MXRA7: variants seen among roughly 807,000 people sequenced by gnomAD.
MXRA7 encodes matrix remodeling associated 7.
MXRA7 carries 18 observed loss-of-function variants against 17.4 expected under a neutral mutation model. The observed-to-expected ratio is 1.03, with a 90% CI of 0.71 to 1.53. The LOEUF is 1.53. Among genes scored for constraint, MXRA7 ranks in the 40% most tolerant of loss-of-function variants. The pLI is 0.00. For synonymous variants in MXRA7, 70 were observed against 101.7 expected (o/e 0.69, Z 1.87); for missense variants, 141 against 209.3 (o/e 0.67, Z 2.01).
At chr17:76,683,550 T>C (rs1770029083) in intron 3 of MXRA7, among the ~76,000 whole-genome samples, 1 of 152,078 alleles carries the variant, frequency 6.6e-6, no homozygotes, top group Non-Finnish European at 1.5e-5. Flanking sequence ...GGTCCCAGGG[T>C]GACAGTTCCC....
At chr17:76,690,512 C>T (rs916202576) in intron 1 of MXRA7, among the ~76,000 whole-genome samples, 1 of 151,974 alleles carries the variant, frequency 6.6e-6, no homozygotes, top group African/African-American at 2.4e-5. Flanking sequence ...AAGTTCAAGA[C>T]CAGCCTGGCA....
intron 1 of MXRA7, chr17:76,688,404 C>G: frequency 7.1e-7 from 1 of 1,412,170 alleles, no homozygotes; most frequent in Non-Finnish European, 9.2e-7. Flanking sequence ...GTGTTCTTGA[C>G]TGTGCACCCC....
At chr17:76,710,503 TG>T in intron 1 of MXRA7, 101 bp downstream of exon 1, 2 of 1,004,276 alleles carry the variant, frequency 2.0e-6, no homozygotes, top group Non-Finnish European at 2.5e-6. Context: ...GGGGGCAGCC[TG>T]GGCTGGAGGC....
exon 4 of MXRA7, chr17:76,672,630 T>G (rs2143542785): frequency 6.6e-6 from 1 of 152,268 alleles, no homozygotes; most frequent in East Asian, 1.9e-4. Flanking sequence ...CAGATGTCCA[T>G]GAGAGGGGGA....
intron 1 of MXRA7, among the ~76,000 whole-genome samples, chr17:76,706,373 C>A (rs1284536551): frequency 7.1e-6 from 1 of 140,702 alleles, no homozygotes; most frequent in African/African-American, 2.6e-5. Flanking sequence ...CAGAGGCCCA[C>A]GCTGCCGTCA....
At chr17:76,679,450 G>A (rs2076270020), downstream of MXRA7, 1 of 234,054 alleles carries the variant, frequency 4.3e-6, no homozygotes, top group Non-Finnish European at 7.0e-6. Context: ...CAGGGTGGAT[G>A]TATGGCTTTG....
rs1385943603 is a variant in MXRA7, at chr17:76,704,496, C to T, written c.342+6109G>A. 1.3e-4 allele frequency among the ~76,000 whole-genome samples: 19 copies of T among 149,004 alleles called. No individual in the cohort carries two copies. The East Asian group carries it at 3.4e-3, about 27-fold the overall frequency. ...CTAGGTTTACAGTCGTGAGCCACCG[C>T]GCCCGGCCAGCTTTTTTTTTTTTCA... On this transcript the variant is annotated intron_variant, in intron 1 of 3. Transcript: ENST00000449428.
In MXRA7 at chr17:76,710,956, G is replaced by A. The variant is rs2076716118; in HGVS notation, c.-10C>T. ...CGGCCGGCGCCTCCATCGCGCCGCG[G>A]CCGCCGAGTGCGGGCCAGCTGGGAC... On this transcript the variant is annotated 5_prime_UTR_variant, in exon 1 of 4. Coordinates refer to ENST00000449428, the MANE Select transcript of MXRA7 (RefSeq NM_198530.4). The A allele has an allele frequency of 1.2e-5, 12 of 989,106 alleles. No individual in the cohort carries two copies. Among genetic ancestry groups the A allele is most frequent in the Non-Finnish European group, 1.3e-5 (11 of 834,716 alleles). The allele number at this position is 989,106 out of a possible 1,614,324, so 61.3% of individuals were successfully genotyped here.
chr17:76,685,283 T>C (rs2143599611), intron 2 of MXRA7, 118 bp from the exon 3 acceptor site: 1 of 723,086 alleles, frequency 1.4e-6, no homozygotes. Context: ...CATCTGGCTA[T>C]CAGAGACATC....
chr17:76,708,934 C>G (rs2076690778), intron 1 of MXRA7, among the ~76,000 whole-genome samples: 2 of 152,210 alleles, frequency 1.3e-5, no homozygotes, highest in African/African-American at 4.8e-5. Context: ...AACCCCCATA[C>G]TGCCTTGTCC....
Position 76,710,723 on chromosome 17 carries a change from C to T in MXRA7, c.224G>A (p.Gly75Glu). ...AASPAGPEEP[G>E]EPAGLGELGE... ...GAGCTCCCCCAGCCCCGCGGGCTCT[C>T]CAGGCTCCTCCGGCCCCGCGGGCGA... The change falls in exon 1 of 4, where the codon GGA (glycine) becomes GAA (glutamate). Residue 75 changes from glycine to glutamate, a missense_variant. Physicochemically the swap from Gly to Glu is moderately conservative, Grantham distance 98. This residue lies in a region of MXRA7 where 72 missense variants were observed against 111.9 expected (regional missense o/e 0.64). Coordinates refer to ENST00000449428, the MANE Select transcript of MXRA7 (RefSeq NM_198530.4). 2 of 1,150,344 alleles carry T rather than the reference C, an allele frequency of 1.7e-6. No homozygotes were observed. Among genetic ancestry groups the T allele is most frequent in the Non-Finnish European group, 2.2e-6 (2 of 926,778 alleles). 71.3% of individuals were successfully genotyped at this position (1,150,344 alleles called of 1,614,324 possible).
intron 1 of MXRA7, among the ~76,000 whole-genome samples, chr17:76,707,908 T>C (rs1282653359): frequency 6.6e-6 from 1 of 152,230 alleles, no homozygotes; most frequent in East Asian, 1.9e-4. Flanking sequence ...AGGCCTTGCC[T>C]ATAATGCTTC....
chr17:76,686,005 G>A (rs914941984), intron 2 of MXRA7, among the ~76,000 whole-genome samples: 5 of 152,212 alleles, frequency 3.3e-5, no homozygotes, highest in Non-Finnish European at 5.9e-5. Context: ...GAGATCCTCA[G>A]CTGCTATTCT....
chr17:76,682,425 A>G (rs1256680635), intron 3 of MXRA7, among the ~76,000 whole-genome samples: 1 of 152,134 alleles, frequency 6.6e-6, no homozygotes, highest in Non-Finnish European at 1.5e-5. Context: ...GTGGTTTGAT[A>G]ACAACAGGCA....
downstream of MXRA7, chr17:76,677,817 T>G: frequency 2.8e-6 from 2 of 701,954 alleles, no homozygotes; most frequent in Non-Finnish European, 5.1e-6. Flanking sequence ...TGACTGCGGT[T>G]GCTTTTCAGA....
intron 1 of MXRA7, among the ~76,000 whole-genome samples, chr17:76,701,369 T>C (rs1182439781): frequency 6.6e-6 from 1 of 151,048 alleles, no homozygotes; most frequent in Non-Finnish European, 1.5e-5. Flanking sequence ...GGGGGGTGGA[T>C]CCGGGATGAG....
In MXRA7 at chr17:76,706,307, C is replaced by T. The variant is rs1352496228; in HGVS notation, c.342+4298G>A. On this transcript the variant is annotated intron_variant, in intron 1 of 3. Transcript: ENST00000449428. ...AGGCCCACGCTGCCGTCACAGAGGC[C>T]CACGCTGCCATCACAAAGGACCACG... Among the ~76,000 whole-genome samples the T allele has an allele frequency of 2.8e-4, 29 of 102,338 alleles. 2 individuals carry two copies. Among genetic ancestry groups the T allele is most frequent in the African/African-American group, 9.6e-4 (29 of 30,270 alleles). The allele number at this position is 102,338 out of a possible 152,430, so 67.1% of individuals were successfully genotyped here.
At chr17:76,698,913 G>T (rs1020481211) in intron 1 of MXRA7, among the ~76,000 whole-genome samples, 2 of 151,870 alleles carry the variant, frequency 1.3e-5, no homozygotes, top group Non-Finnish European at 2.9e-5. Context: ...AGTAGACAGG[G>T]TTTCACCATG....
intron 1 of MXRA7, among the ~76,000 whole-genome samples, chr17:76,693,235 CG>C (rs1333037567): frequency 6.7e-6 from 1 of 148,782 alleles, no homozygotes; most frequent in Non-Finnish European, 1.5e-5. Flanking sequence ...TTTGGGAGGC[CG>C]AGGCGGATGG....
Sources: allele counts gnomAD v4.1 joint callset (sites outside exome capture counted in the v4.1 genomes callset), GRCh38; gene constraint gnomAD v4.1.1; regional missense constraint gnomAD v4.1.1; transcripts MANE v1.5; gene names NCBI Gene and HGNC (gene_info 2026-07-23, HGNC 2026-07-21).